ALK: variants seen among roughly 807,000 people sequenced by gnomAD.
The protein encoded by ALK is ALK tyrosine kinase receptor.
In ALK, 74 loss-of-function variants were observed where a neutral mutation model predicts 163.1. That is an observed-to-expected ratio of 0.45 (90% confidence interval 0.38 to 0.55). The LOEUF (loss-of-function observed/expected upper bound fraction) is 0.55. Ranked by LOEUF, ALK falls within the 20% of genes least tolerant of loss-of-function variation. The pLI is 0.00. For synonymous variants in ALK, 960 were observed against 843.2 expected, an observed-to-expected ratio of 1.14 and a Z score of -2.40; for missense variants, 2,063 against 2,105.3, an observed-to-expected ratio of 0.98 and a Z score of 0.39.
At chr2:29,456,662 T>C (rs1437651391) in intron 4 of ALK, among the ~76,000 whole-genome samples, 2 of 152,202 alleles carry the variant, frequency 1.3e-5, no homozygotes, top group East Asian at 1.9e-4. Flanking sequence ...AATATGAATA[T>C]ACTTAATGTC....
At chr2:29,751,515 T>C (rs539226521) in intron 1 of ALK, among the ~76,000 whole-genome samples, 1 of 152,252 alleles carries the variant, frequency 6.6e-6, no homozygotes, top group African/African-American at 2.4e-5. Context: ...GTTGTGTGTT[T>C]ATGGAGTGTG....
chr2:29,715,349 G>A (rs536517196), intron 2 of ALK, among the ~76,000 whole-genome samples: 1 of 152,300 alleles, frequency 6.6e-6, no homozygotes, highest in East Asian at 1.9e-4. Context: ...TGCCAAGAAG[G>A]GAAATCATGA....
intron 1 of ALK, among the ~76,000 whole-genome samples, chr2:29,860,171 C>T (rs1435537483): frequency 6.6e-6 from 1 of 152,058 alleles, no homozygotes; most frequent in Non-Finnish European, 1.5e-5. Context: ...GAGGCTTATC[C>T]CAGGGGAAGA....
At chr2:29,839,340 C>T (rs138745310) in intron 1 of ALK, among the ~76,000 whole-genome samples, 4 of 152,022 alleles carry the variant, frequency 2.6e-5, no homozygotes, top group East Asian at 1.9e-4. Context: ...CTAGAGATGC[C>T]GGATGACTGG....
Position 29,357,598 on chromosome 2 carries a change from C to T in ALK, c.1282+26134G>A, listed in dbSNP as rs370615433. On this transcript the variant is annotated intron_variant, in intron 5 of 28. Transcript: ENST00000389048. Reference sequence around the variant, plus strand: ...TTAATTCTCATTCTGTCCTCCTGGTCATAGTGGGGGTGCTGTGGCAAACCT... The same window carrying T: ...TTAATTCTCATTCTGTCCTCCTGGTTATAGTGGGGGTGCTGTGGCAAACCT... Among the ~76,000 whole-genome samples, 12 of 152,364 alleles carry T rather than the reference C, an allele frequency of 7.9e-5. 1 individual carries two copies. The highest frequency in any genetic ancestry group is 2.9e-4 in the African/African-American group (12 of 41,584).
intron 1 of ALK, among the ~76,000 whole-genome samples, chr2:29,910,009 A>G (rs1300818087): frequency 6.6e-6 from 1 of 151,408 alleles, no homozygotes; most frequent in African/African-American, 2.4e-5. Flanking sequence ...ACTGCAAGGT[A>G]TGCAAAGAAG....
chr2:29,404,009 A>G (rs904815754), intron 4 of ALK, among the ~76,000 whole-genome samples: 1 of 152,026 alleles, frequency 6.6e-6, no homozygotes, highest in Admixed American at 6.6e-5. Flanking sequence ...AATTGTCTAT[A>G]AAAGGAGTTG....
At position 29,207,284 on chromosome 2, in the gene ALK, G is replaced by A. The variant is rs2148152309; in HGVS notation, c.3837-12C>T. The A allele has an allele frequency of 6.2e-7, 1 of 1,611,484 alleles. No individual in the cohort carries two copies. Among genetic ancestry groups the A allele is most frequent in the African/African-American group, 1.3e-5 (1 of 74,830 alleles). ...TATAGTAGCTCGCCCTGTGGGGAAG[G>A]AGAGGAAAACCAAACTAGGATCTGG... On this transcript the variant is annotated splice_polypyrimidine_tract_variant and intron_variant, in intron 25 of 28. Transcript: ENST00000389048.
chr2:29,488,434 C>T (rs1346217822), intron 4 of ALK, among the ~76,000 whole-genome samples: 4 of 152,140 alleles, frequency 2.6e-5, no homozygotes, highest in East Asian at 1.9e-4. Flanking sequence ...TACAGCAGCA[C>T]TGGAGCAGAA....
chr2:29,193,899 A>G lies in ALK; in HGVS notation c.4188T>C (p.Ala1396=), dbSNP rs2148139113. ...CAAGTGGACCATATTCTATCGGCAA[A>G]GCGGTGTTGATTACATCCGGGTCCT... The part of the protein sequence containing the change: ...CTQDPDVINT[A]LPIEYGPLVE... Residue 1396 remains alanine, a synonymous_variant, in exon 29 of 29, where the codon GCT becomes GCC. Transcript: ENST00000389048. 1 of 1,614,192 alleles carries G rather than the reference A, an allele frequency of 6.2e-7. No individual in the cohort carries two copies. The highest frequency in any genetic ancestry group is 8.5e-7 in the Non-Finnish European group (1 of 1,180,030).
chr2:29,504,478 T>C (rs956850156), intron 4 of ALK, among the ~76,000 whole-genome samples: 1 of 152,190 alleles, frequency 6.6e-6, no homozygotes, highest in African/African-American at 2.4e-5. Context: ...CAGGAGGTAC[T>C]GCTGTATCAG....
chr2:29,252,578 G>T (rs867525634), intron 11 of ALK, among the ~76,000 whole-genome samples: 7 of 152,168 alleles, frequency 4.6e-5, no homozygotes, highest in African/African-American at 1.7e-4. Flanking sequence ...GCCAGTTGTC[G>T]TGGGTTTTTG....
At chr2:29,836,047 C>T (rs1009751713) in intron 1 of ALK, among the ~76,000 whole-genome samples, 2 of 152,102 alleles carry the variant, frequency 1.3e-5, no homozygotes, top group African/African-American at 4.8e-5. Context: ...TGCAGCATGA[C>T]AAATGAGGGG....
intron 2 of ALK, among the ~76,000 whole-genome samples, chr2:29,705,072 G>A (rs12993207): frequency 9.9e-5 from 15 of 150,762 alleles, no homozygotes; most frequent in East Asian, 9.7e-4. Flanking sequence ...ACAAAAATTA[G>A]CCAAGCGTGG....
At chr2:29,900,501 G>C (rs1330867265) in intron 1 of ALK, among the ~76,000 whole-genome samples, 1 of 152,172 alleles carries the variant, frequency 6.6e-6, no homozygotes, top group African/African-American at 2.4e-5. Context: ...CAAAACGTAA[G>C]CACACTCATT....
At chr2:29,300,733 A>T (rs1377330589) in intron 8 of ALK, among the ~76,000 whole-genome samples, 1 of 152,146 alleles carries the variant, frequency 6.6e-6, no homozygotes, top group Admixed American at 6.5e-5. Flanking sequence ...ATTACCCAAC[A>T]GTCTCCAATA....
chr2:29,380,784 C>T (rs1335032596), intron 5 of ALK, among the ~76,000 whole-genome samples: 9 of 152,124 alleles, frequency 5.9e-5, no homozygotes, highest in African/African-American at 1.2e-4. Context: ...CTCACTATCA[C>T]GAGAATAGCA....
chr2:29,870,911 A>G (rs185152062), intron 1 of ALK, among the ~76,000 whole-genome samples: 2 of 152,338 alleles, frequency 1.3e-5, no homozygotes, highest in African/African-American at 4.8e-5. Flanking sequence ...GGTCTTTGAT[A>G]AAGAGCATTG....
chr2:29,193,302 G>A lies in ALK; in HGVS notation c.4785C>T (p.Ala1595=), dbSNP rs76150405. Residue 1595 remains alanine, a synonymous_variant, in exon 29 of 29, where the codon GCC becomes GCT. Transcript: ENST00000389048. ...AATGACCAGCTCCAGGGGCAGTAGC[G>A]GCTTCTAAGGGCAAGCCCTGTTGCT... ...GYQQQGLPLE[A]ATAPGAGHYE... 2,366 of 1,614,110 alleles carry A rather than the reference G, an allele frequency of 1.5e-3. 5 individuals carry two copies. The highest frequency in any genetic ancestry group is 1.9e-3 in the Non-Finnish European group (2,210 of 1,180,012).
Sources: gnomAD v4.1 joint callset for allele counts (sites outside exome capture counted in the v4.1 genomes callset) on GRCh38, gnomAD v4.1.1 for gene constraint, MANE v1.5 for transcripts, NCBI Gene and HGNC (gene_info 2026-07-23, HGNC 2026-07-21) for gene names.